Variants in PLA2G4A observed in about 807,000 individuals in gnomAD.
The protein encoded by PLA2G4A is phospholipase A2 group IVA, also known as cytosolic phospholipase A2.
PLA2G4A carries 40 observed loss-of-function variants against 81.9 expected under a neutral mutation model. The observed-to-expected ratio is 0.49, with a 90% CI of 0.38 to 0.64. The LOEUF (loss-of-function observed/expected upper bound fraction) is 0.64. PLA2G4A is among the 30% of genes least tolerant of loss of function. The pLI is 0.00. For synonymous variants in PLA2G4A, 302 were observed against 296.9 expected, an observed-to-expected ratio of 1.02 and a Z score of -0.18; for missense variants, 715 against 905.1, an observed-to-expected ratio of 0.79 and a Z score of 2.69.
At chr1:186,946,491 T>C (rs930073434) in intron 10 of PLA2G4A, 146 bp from the exon 11 acceptor site, 5 of 693,870 alleles carry the variant, frequency 7.2e-6, no homozygotes, top group African/African-American at 1.8e-5. Flanking sequence ...ATATACATAA[T>C]GGGCATTTGG....
intron 7 of PLA2G4A, among the ~76,000 whole-genome samples, chr1:186,926,778 G>A (rs909220919): frequency 6.6e-6 from 1 of 152,204 alleles, no homozygotes; most frequent in Non-Finnish European, 1.5e-5. Context: ...AATGTCTCCT[G>A]TTGTGGCAAG....
chr1:186,986,666 T>C (rs544935031), intron 17 of PLA2G4A, among the ~76,000 whole-genome samples: 1 of 152,362 alleles, frequency 6.6e-6, no homozygotes, highest in South Asian at 2.1e-4. Context: ...GTAACAGCTG[T>C]TGTAGAATGT....
At position 186,888,304 on chromosome 1, in the gene PLA2G4A, A is replaced by G. The variant is rs146659240; in HGVS notation, c.116-4707A>G. On this transcript the variant is annotated intron_variant, in intron 3 of 17. Transcript: ENST00000367466. ...TTAGAATTTGTTAAAAATATGACCCATTGAGAATCTAAAATGGCTGAGAAG... is the reference window on the plus strand; with the variant it reads ...TTAGAATTTGTTAAAAATATGACCCGTTGAGAATCTAAAATGGCTGAGAAG... Among the ~76,000 whole-genome samples the G allele has an allele frequency of 3.4e-3, 513 of 152,276 alleles. 2 individuals carry two copies. The highest frequency in any genetic ancestry group is 0.011 in the African/African-American group (474 of 41,554).
chr1:186,832,984 A>G (rs1048295569), intron 1 of PLA2G4A, among the ~76,000 whole-genome samples: 3 of 152,202 alleles, frequency 2.0e-5, no homozygotes, highest in African/African-American at 7.2e-5. Flanking sequence ...CTCATAGACT[A>G]ATAGTTTACA....
In PLA2G4A at chr1:186,911,244, A is replaced by G. The variant is rs1407408986; in HGVS notation, c.417-4A>G. On this transcript the variant is annotated splice_region_variant and splice_polypyrimidine_tract_variant and intron_variant, in intron 6 of 17. Coordinates refer to ENST00000367466, the MANE Select transcript of PLA2G4A (RefSeq NM_024420.3). ...CTCATGACTTTATCTGTTTGGTATT[A>G]CAGCTCATGCCCAGACCTACGATTT... is the stretch of plus-strand genomic sequence containing the variant. 1 of 1,613,072 alleles carries G rather than the reference A, an allele frequency of 6.2e-7. No individual in the cohort carries two copies. Among genetic ancestry groups the G allele is most frequent in the East Asian group, 2.2e-5 (1 of 44,862 alleles).
chr1:186,977,478 A>G (rs1227005324), intron 15 of PLA2G4A, 115 bp from the exon 16 acceptor site: 2 of 709,910 alleles, frequency 2.8e-6, no homozygotes, highest in African/African-American at 3.5e-5. Context: ...TCATCCTAGC[A>G]AGGAGTACAT....
At chr1:186,863,353 CT>C (rs935198946) in intron 2 of PLA2G4A, among the ~76,000 whole-genome samples, 7 of 152,134 alleles carry the variant, frequency 4.6e-5, no homozygotes, top group African/African-American at 1.7e-4. Flanking sequence ...TTTTAAAATT[CT>C]GTTTTTAATT....
At chr1:186,916,240 C>T (rs947694738) in intron 7 of PLA2G4A, among the ~76,000 whole-genome samples, 3 of 152,152 alleles carry the variant, frequency 2.0e-5, no homozygotes, top group East Asian at 1.9e-4. Context: ...TAAGGTCACA[C>T]GCTCCCCTTT....
chr1:186,886,124 G>A (rs1653929816), intron 3 of PLA2G4A, among the ~76,000 whole-genome samples: 1 of 152,076 alleles, frequency 6.6e-6, no homozygotes, highest in African/African-American at 2.4e-5. Flanking sequence ...TAATCCTGAA[G>A]ATATTGAACA....
intron 1 of PLA2G4A, 141 bp downstream of exon 1, chr1:186,829,176 A>C (rs1224265511): frequency 1.3e-5 from 2 of 152,256 alleles, no homozygotes; most frequent in African/African-American, 4.8e-5. Context: ...AAAAGTCAGC[A>C]TGTCCTCTGC....
In PLA2G4A at chr1:186,847,995, A is replaced by G. The variant is rs991737897; in HGVS notation, c.-69-6291A>G. Among the ~76,000 whole-genome samples, 4 of 152,272 alleles carry G rather than the reference A, an allele frequency of 2.6e-5. No homozygotes were observed. In the South Asian group the frequency reaches 8.3e-4, roughly 32 times the overall value. ...CATGTATGAGTATTGTCCATGGACT[A>G]AAGAGAACCCTGGGAAGAATCTTAA... On this transcript the variant is annotated intron_variant, in intron 1 of 17. Coordinates refer to ENST00000367466, the MANE Select transcript of PLA2G4A (RefSeq NM_024420.3).
chr1:186,946,982 C>T (rs1173132830), intron 12 of PLA2G4A, 21 bp downstream of exon 12: 4 of 1,267,264 alleles, frequency 3.2e-6, no homozygotes, highest in Non-Finnish European at 4.6e-6. Flanking sequence ...GATATGCTTA[C>T]ATTGATACAA....
intron 1 of PLA2G4A, among the ~76,000 whole-genome samples, chr1:186,830,952 TGC>T (rs61370643): frequency 0.03 from 1,208 of 40,796 alleles, 12 homozygotes; most frequent in East Asian, 0.066. Context: ...CTTGCTTGCT[TGC>T]TTGCTTTCTT....
At chr1:186,858,130 G>T (rs1307214130) in intron 2 of PLA2G4A, among the ~76,000 whole-genome samples, 1 of 152,096 alleles carries the variant, frequency 6.6e-6, no homozygotes, top group African/African-American at 2.4e-5. Context: ...TCAGTAATGG[G>T]ATTGCTGGGC....
chr1:186,845,243 A>G (rs1652131034), intron 1 of PLA2G4A, among the ~76,000 whole-genome samples: 1 of 152,064 alleles, frequency 6.6e-6, no homozygotes, highest in Admixed American at 6.6e-5. Flanking sequence ...AACTCTCTAT[A>G]GAATTAAATA....
intron 3 of PLA2G4A, among the ~76,000 whole-genome samples, chr1:186,891,526 A>C (rs1185915009): frequency 6.6e-6 from 1 of 151,482 alleles, no homozygotes; most frequent in Non-Finnish European, 1.5e-5. Context: ...TTTGATTCTT[A>C]GATCCCACAA....
At chr1:186,950,260 C>G (rs546714294) in intron 12 of PLA2G4A, among the ~76,000 whole-genome samples, 1 of 152,086 alleles carries the variant, frequency 6.6e-6, no homozygotes, top group Non-Finnish European at 1.5e-5. Context: ...TGTTTGGTAG[C>G]TCACCTGTAG....
At chr1:186,959,938 G>C (rs557661719) in intron 14 of PLA2G4A, among the ~76,000 whole-genome samples, 1 of 151,860 alleles carries the variant, frequency 6.6e-6, no homozygotes, top group Non-Finnish European at 1.5e-5. Flanking sequence ...TATTAGGTTG[G>C]AAAAATGTTA....
chr1:186,832,608 A>T (rs1651633068), intron 1 of PLA2G4A, among the ~76,000 whole-genome samples: 1 of 152,220 alleles, frequency 6.6e-6, no homozygotes, highest in African/African-American at 2.4e-5. Flanking sequence ...ATACGAAAAT[A>T]GTATCTTGTT....
Sources: gnomAD v4.1 joint callset for allele counts (sites outside exome capture counted in the v4.1 genomes callset) on GRCh38, gnomAD v4.1.1 for gene constraint, MANE v1.5 for transcripts, NCBI Gene and HGNC (gene_info 2026-07-23, HGNC 2026-07-21) for gene names.